The following FOXO3 variants were observed in gnomAD, a reference collection of about 807,000 sequenced individuals.
The protein encoded by FOXO3 is forkhead box O3, also known as forkhead box protein O3.
FOXO3 carries 4 observed loss-of-function variants against 41.9 expected under a neutral mutation model. The observed-to-expected ratio is 0.10, with a 90% CI of 0.05 to 0.22. The LOEUF (loss-of-function observed/expected upper bound fraction) is 0.22. Ranked by LOEUF, FOXO3 falls within the 10% of genes least tolerant of loss-of-function variation. FOXO3 has a pLI of 1.00. For missense variants in FOXO3, 534 were observed against 906.8 expected (o/e 0.59, Z 5.28); for synonymous variants, 318 against 389.3 (o/e 0.82, Z 2.16).
rs1770787165 is a variant in FOXO3 at position 108,680,189 on chromosome 6, T to C, written c.*397T>C. 1 of 152,646 alleles carries C rather than the reference T, an allele frequency of 6.6e-6. No individual in the cohort carries two copies. Among genetic ancestry groups the C allele is most frequent in the Admixed American group, 6.5e-5 (1 of 15,286 alleles). 9.5% of individuals were successfully genotyped at this position (152,646 alleles called of 1,614,324 possible). ...TTAAGTGTTGTTCTTGTGTTTGTTT[T>C]CCTTTGACTTTCTGAGTTTTTCACA... On this transcript the variant is annotated 3_prime_UTR_variant, in exon 3 of 3. Transcript: ENST00000406360.
At chr6:108,570,651 T>G (rs1240890661) in intron 1 of FOXO3, among the ~76,000 whole-genome samples, 1 of 152,122 alleles carries the variant, frequency 6.6e-6, no homozygotes, top group Admixed American at 6.5e-5. Flanking sequence ...AGATGTCTAG[T>G]GAAGTTAGTT....
At chr6:108,622,953 G>T (rs2128373371) in intron 1 of FOXO3, among the ~76,000 whole-genome samples, 1 of 151,384 alleles carries the variant, frequency 6.6e-6, no homozygotes, top group South Asian at 2.1e-4. Flanking sequence ...AAAAAAAGCT[G>T]GAAGAGTTCC....
chr6:108,674,938 A>T (rs1582841086), intron 2 of FOXO3, among the ~76,000 whole-genome samples: 1 of 152,216 alleles, frequency 6.6e-6, no homozygotes, highest in Non-Finnish European at 1.5e-5. Context: ...CGTGGTTTGC[A>T]AATCTGAGAA....
Position 108,561,569 on chromosome 6 carries a change from G to A in FOXO3, c.361G>A (p.Gly121Arg), listed in dbSNP as rs1775787243. 1 of 1,451,540 alleles carries A rather than the reference G, an allele frequency of 6.9e-7. No homozygotes were observed. Among genetic ancestry groups the A allele is most frequent in the Non-Finnish European group, 9.0e-7 (1 of 1,108,718 alleles). The allele number at this position is 1,451,540 out of a possible 1,614,324, so 89.9% of individuals were successfully genotyped here. ...GPATAAGGLS[G>R]GTQALLQPQQ... ...AGCCACCGCGGCGGGCGGGCTGAGC[G>A]GGGGTACACAGGCGCTGCTGCAGCC... Residue 121 changes from glycine (G) to arginine (R), a missense_variant, in exon 1 of 3, where the codon GGG (glycine) becomes AGG (arginine). This residue lies in a region of FOXO3 where 139 missense variants were observed against 163.7 expected (regional missense o/e 0.85). Coordinates refer to ENST00000406360, the MANE Select transcript of FOXO3 (RefSeq NM_001455.4).
At chr6:108,676,942 C>T (rs1228454026) in intron 2 of FOXO3, among the ~76,000 whole-genome samples, 1 of 152,140 alleles carries the variant, frequency 6.6e-6, no homozygotes, top group Admixed American at 6.5e-5. Flanking sequence ...CAACATTTAT[C>T]TTCTATATTT....
At chr6:108,620,481 T>C (rs544121372) in intron 1 of FOXO3, among the ~76,000 whole-genome samples, 1 of 152,282 alleles carries the variant, frequency 6.6e-6, no homozygotes, top group African/African-American at 2.4e-5. Flanking sequence ...GACCCCTGTA[T>C]TTCTCCCATA....
In FOXO3 at chr6:108,679,197, G is replaced by A. The variant is rs185046619; in HGVS notation, c.*35-630G>A. On this transcript the variant is annotated intron_variant, in intron 2 of 2. Transcript: ENST00000406360. ...ATTTCTTAAATTCTTAAGATGGCCC[G>A]CTTAGTAATTACTTACTCTTTTTAT... is the stretch of plus-strand genomic sequence containing the variant. Among the ~76,000 whole-genome samples, 202 of 152,200 alleles carry A rather than the reference G, an allele frequency of 1.3e-3. 2 individuals are homozygous for A. The highest frequency in any genetic ancestry group is 2.0e-3 in the Non-Finnish European group (133 of 68,018).
At chr6:108,610,532 T>A (rs1777331583) in intron 1 of FOXO3, among the ~76,000 whole-genome samples, 1 of 152,202 alleles carries the variant, frequency 6.6e-6, no homozygotes, top group South Asian at 2.1e-4. Context: ...TGTGTGCCCC[T>A]GTGTTTTGGT....
At chr6:108,612,937 G>A (rs1253829764) in intron 1 of FOXO3, among the ~76,000 whole-genome samples, 3 of 152,150 alleles carry the variant, frequency 2.0e-5, no homozygotes, top group African/African-American at 7.2e-5. Context: ...CTATTCCTAT[G>A]TGTTGAGTAG....
rs1319462687 is a variant in FOXO3, at chr6:108,561,238, G to A, written c.30G>A (p.Pro10=). The change falls in exon 1 of 3, where the codon CCG becomes CCA. Residue 10 remains proline, a synonymous_variant. Transcript: ENST00000406360. The stretch of plus-strand genomic sequence containing the variant: ...CAGAGGCACCGGCTTCCCCGGCCCC[G>A]CTCTCTCCGCTCGAAGTGGAGCTGG... MAEAPASPA[P]LSPLEVELDP... 2.6e-6 allele frequency: 4 copies of A among 1,563,064 alleles called. No homozygotes were observed. In the East Asian group the frequency reaches 9.6e-5, roughly 38 times the overall value.
chr6:108,678,493 C>CT (rs11417953), intron 2 of FOXO3, among the ~76,000 whole-genome samples: 77,177 of 143,620 alleles, frequency 0.54, 24,102 homozygotes, highest in East Asian at 0.7. Context: ...TATGAATATA[C>CT]TTTTTTTTTT....
At chr6:108,580,710 G>C (rs1776394071) in intron 1 of FOXO3, among the ~76,000 whole-genome samples, 1 of 152,144 alleles carries the variant, frequency 6.6e-6, no homozygotes, top group Non-Finnish European at 1.5e-5. Flanking sequence ...TCCCATTTTG[G>C]TTTAAAAGAA....
chr6:108,591,704 G>A (rs1418694751), intron 1 of FOXO3, among the ~76,000 whole-genome samples: 1 of 152,140 alleles, frequency 6.6e-6, no homozygotes, highest in Non-Finnish European at 1.5e-5. Flanking sequence ...ATTTGATTGA[G>A]CCAGTTATTG....
At chr6:108,632,060 C>T (rs935321844) in intron 1 of FOXO3, among the ~76,000 whole-genome samples, 2 of 152,120 alleles carry the variant, frequency 1.3e-5, no homozygotes, top group African/African-American at 4.8e-5. Context: ...ACTCTAGAGG[C>T]TTGATTAAAC....
intron 1 of FOXO3, among the ~76,000 whole-genome samples, chr6:108,571,722 G>C (rs904258277): frequency 6.6e-6 from 1 of 152,158 alleles, no homozygotes; most frequent in Non-Finnish European, 1.5e-5. Flanking sequence ...CCAACGCCTT[G>C]ATTTTGGACT....
chr6:108,560,896 A>T (rs979445806), upstream of FOXO3: 14 of 1,127,866 alleles, frequency 1.2e-5, no homozygotes, highest in Non-Finnish European at 1.4e-5. Context: ...TCGCGGCTCC[A>T]TCGCGGCCTG....
At chr6:108,631,061 T>C (rs912240471) in intron 1 of FOXO3, among the ~76,000 whole-genome samples, 14 of 152,214 alleles carry the variant, frequency 9.2e-5, no homozygotes, top group African/African-American at 3.4e-4. Context: ...TGTATTAAAT[T>C]ATACTGCTTT....
Position 108,663,854 on chromosome 6 carries a change from G to A in FOXO3, c.1021G>A (p.Ala341Thr), listed in dbSNP as rs145259784. 5,405 of 1,613,900 alleles carry A rather than the reference G, an allele frequency of 3.3e-3. 58 individuals are homozygous for A. Among genetic ancestry groups the A allele is most frequent in the Middle Eastern group, 0.029 (177 of 6,062 alleles). The change falls in exon 2 of 3, where the codon GCG (alanine) becomes ACG (threonine). Residue 341 changes from alanine to threonine, a missense_variant. By Grantham distance (58) the Ala-to-Thr change is moderately conservative (BLOSUM62 0). Around this residue, in one of 8 missense-constraint regions of FOXO3, gnomAD observed 185 missense variants for 224.9 expected, o/e 0.82. Transcript: ENST00000406360. ...GTTGGATGAAGTCCAGGACGATGATGCGCCTCTCTCGCCCATGCTCTACAG... is the reference window on the plus strand; with the variant it reads ...GTTGGATGAAGTCCAGGACGATGATACGCCTCTCTCGCCCATGCTCTACAG... ...TELDEVQDDD[A>T]PLSPMLYSSS...
intron 1 of FOXO3, among the ~76,000 whole-genome samples, chr6:108,564,048 G>T (rs1249790240): frequency 1.3e-5 from 2 of 151,592 alleles, no homozygotes; most frequent in Admixed American, 6.6e-5. Flanking sequence ...GGCTTAATAT[G>T]CTTAATACAG....
Sources: allele counts gnomAD v4.1 joint callset (sites outside exome capture counted in the v4.1 genomes callset), GRCh38; gene constraint gnomAD v4.1.1; regional missense constraint gnomAD v4.1.1; transcripts MANE v1.5; gene names NCBI Gene and HGNC (gene_info 2026-07-23, HGNC 2026-07-21).